The following NEGR1 variants were observed in gnomAD, a reference collection of about 807,000 sequenced individuals.
NEGR1 encodes the protein IgLON family member 4.
Under a neutral mutation model 40.9 loss-of-function variants are expected in NEGR1, and 10 were observed. That is an observed-to-expected ratio of 0.24 (90% CI 0.15 to 0.42). The LOEUF (loss-of-function observed/expected upper bound fraction) is 0.42. Ranked by LOEUF, NEGR1 falls within the 10% of genes least tolerant of loss-of-function variation. The pLI, the probability that NEGR1 is intolerant of heterozygous loss-of-function variation, is 1.00. For synonymous variants in NEGR1, 185 were observed against 166.8 expected (o/e 1.11, Z -0.84); for missense variants, 352 against 438.9 (o/e 0.80, Z 1.77).
intron 2 of NEGR1, among the ~76,000 whole-genome samples, chr1:71,888,028 CA>C (rs1557689381): frequency 3.1e-4 from 47 of 150,302 alleles, no homozygotes; most frequent in Non-Finnish European, 6.5e-4. Flanking sequence ...CACACACACA[CA>C]CACACACCTC....
At chr1:72,268,808 C>T (rs1655741835) in intron 1 of NEGR1, among the ~76,000 whole-genome samples, 1 of 151,326 alleles carries the variant, frequency 6.6e-6, no homozygotes, top group Non-Finnish European at 1.5e-5. Flanking sequence ...AATGAGATAA[C>T]AGACTAATAT....
chr1:71,995,975 T>G (rs75656406), intron 1 of NEGR1, among the ~76,000 whole-genome samples: 1,612 of 152,260 alleles, frequency 0.011, 39 homozygotes, highest in African/African-American at 0.037. Context: ...TTCTTCAGAA[T>G]TAGGGATATC....
intron 2 of NEGR1, among the ~76,000 whole-genome samples, chr1:71,827,347 C>CT (rs1658665855): frequency 2.0e-5 from 3 of 151,772 alleles, no homozygotes; most frequent in Admixed American, 6.6e-5. Flanking sequence ...AAAAGAATGA[C>CT]TAGCTTTCCA....
rs896699445 is a variant in NEGR1, at chr1:71,401,487, T to C, written c.*5959A>G. On this transcript the variant is annotated 3_prime_UTR_variant, in exon 7 of 7. Coordinates refer to ENST00000357731, the MANE Select transcript of NEGR1 (RefSeq NM_173808.3). ...GGTGATATCCATAGGATTTGTATTATATTCATATTTTGAAAACAAAGTACA... is the reference window on the plus strand; with the variant it reads ...GGTGATATCCATAGGATTTGTATTACATTCATATTTTGAAAACAAAGTACA... 1 of 152,246 alleles carries C rather than the reference T, an allele frequency of 6.6e-6. No homozygotes were observed. Among genetic ancestry groups the C allele is most frequent in the East Asian group, 1.9e-4 (1 of 5,202 alleles). 9.4% of individuals were successfully genotyped at this position (152,246 alleles called of 1,614,324 possible).
intron 6 of NEGR1, among the ~76,000 whole-genome samples, chr1:71,458,068 A>G (rs1035919073): frequency 6.6e-6 from 1 of 152,198 alleles, no homozygotes; most frequent in African/African-American, 2.4e-5. Context: ...TCACACAGAT[A>G]TACAAGTCTT....
intron 3 of NEGR1, among the ~76,000 whole-genome samples, chr1:71,732,906 T>A (rs986144913): frequency 2.6e-5 from 4 of 152,242 alleles, no homozygotes; most frequent in African/African-American, 9.6e-5. Context: ...CAAAATGTTT[T>A]TCGATTTTCA....
chr1:71,797,051 A>T (rs1657357275), intron 2 of NEGR1, among the ~76,000 whole-genome samples: 1 of 152,114 alleles, frequency 6.6e-6, no homozygotes, highest in African/African-American at 2.4e-5. Context: ...GAGGAGAAGG[A>T]CTTCAGACAA....
At position 71,621,729 on chromosome 1, in the gene NEGR1, T is replaced by C. The variant is rs575903947; in HGVS notation, c.668-10583A>G. 2.0e-5 allele frequency among the ~76,000 whole-genome samples: 3 copies of C among 152,070 alleles called. No individual in the cohort carries two copies. In the East Asian group the frequency reaches 5.8e-4, roughly 30 times the overall value. On this transcript the variant is annotated intron_variant, in intron 4 of 6. Transcript: ENST00000357731. ...AAACCCTCAATAACAATCTGTTCAT[T>C]GTTTGAAACTATTAACCTAAGAGAT...
At chr1:72,043,586 C>T (rs984201676) in intron 1 of NEGR1, among the ~76,000 whole-genome samples, 3 of 151,848 alleles carry the variant, frequency 2.0e-5, no homozygotes, top group African/African-American at 7.3e-5. Context: ...TAAAAGAACA[C>T]TGCATTCTCT....
intron 1 of NEGR1, among the ~76,000 whole-genome samples, chr1:71,971,336 G>T (rs1027528576): frequency 6.6e-6 from 1 of 152,012 alleles, no homozygotes; most frequent in African/African-American, 2.4e-5. Flanking sequence ...TCCATGCTTT[G>T]TTATGACAGC....
intron 6 of NEGR1, among the ~76,000 whole-genome samples, chr1:71,496,676 A>G (rs1292385208): frequency 6.6e-6 from 1 of 152,026 alleles, no homozygotes; most frequent in Non-Finnish European, 1.5e-5. Context: ...AGGACCCTAA[A>G]TTGGGACAAT....
At chr1:71,921,712 A>ATT (rs1645721952) in intron 2 of NEGR1, among the ~76,000 whole-genome samples, 1 of 123,894 alleles carries the variant, frequency 8.1e-6, no homozygotes, top group Non-Finnish European at 1.6e-5. Context: ...GAATATATAT[A>ATT]TATATATATA....
At chr1:72,189,642 A>G (rs138228370) in intron 1 of NEGR1, among the ~76,000 whole-genome samples, 81 of 151,654 alleles carry the variant, frequency 5.3e-4, no homozygotes, top group Middle Eastern at 3.4e-3. Flanking sequence ...TGTTTGTTTA[A>G]TGATTGGCTA....
intron 6 of NEGR1, among the ~76,000 whole-genome samples, chr1:71,551,031 T>C (rs991295398): frequency 1.3e-4 from 20 of 151,602 alleles, no homozygotes; most frequent in Non-Finnish European, 1.2e-4. Context: ...GTACTCTACA[T>C]TGTATGCTCT....
At chr1:71,943,688 T>A (rs1645992843) in intron 1 of NEGR1, among the ~76,000 whole-genome samples, 1 of 152,166 alleles carries the variant, frequency 6.6e-6, no homozygotes, top group African/African-American at 2.4e-5. Context: ...TTAAAGAAAC[T>A]AACAAAGTCT....
Position 71,559,835 on chromosome 1 carries a change from T to TA in NEGR1, c.940+32981dup, listed in dbSNP as rs35685892. On this transcript the variant is annotated intron_variant, in intron 6 of 6. Transcript: ENST00000357731. The stretch of plus-strand genomic sequence containing the variant: ...AATACAGTCTACATTATCATTCTGG[T>TA]AAAAAAAAAAAAAATCTTCAGGAAT... Among the ~76,000 whole-genome samples the TA allele has an allele frequency of 8.1e-3, 1,202 of 148,458 alleles. 5 individuals are homozygous for TA. The highest frequency in any genetic ancestry group is 0.01 in the African/African-American group (421 of 40,698).
chr1:71,927,256 T>C (rs1031300832), intron 2 of NEGR1, among the ~76,000 whole-genome samples: 3 of 152,162 alleles, frequency 2.0e-5, no homozygotes, highest in African/African-American at 7.2e-5. Context: ...ACCTGAAAAA[T>C]GCATTAATTT....
At chr1:72,165,011 T>A (rs919835661) in intron 1 of NEGR1, among the ~76,000 whole-genome samples, 12 of 152,082 alleles carry the variant, frequency 7.9e-5, no homozygotes, top group African/African-American at 2.4e-4. Flanking sequence ...ATTTCCTTTT[T>A]TTCTCCTTGG....
At chr1:71,637,319 A>G (rs944553114) in intron 4 of NEGR1, among the ~76,000 whole-genome samples, 1 of 152,030 alleles carries the variant, frequency 6.6e-6, no homozygotes, top group African/African-American at 2.4e-5. Context: ...GATGAATAAA[A>G]CAGATTCATC....
Sources: allele counts gnomAD v4.1 joint callset (sites outside exome capture counted in the v4.1 genomes callset), GRCh38; gene constraint gnomAD v4.1.1; transcripts MANE v1.5; gene names NCBI Gene and HGNC (gene_info 2026-07-23, HGNC 2026-07-21).